FREM3: variants seen among roughly 807,000 people sequenced by gnomAD.
The protein encoded by FREM3 is FRAS1-related extracellular matrix protein 3.
A neutral mutation model predicts 129.1 loss-of-function variants in FREM3; 105 were observed. The observed-to-expected ratio is 0.81, with a 90% CI of 0.69 to 0.96. The LOEUF is 0.96. FREM3 is among the 40% of genes least tolerant of loss of function. The pLI, the probability that FREM3 is intolerant of heterozygous loss-of-function variation, is 0.00. For missense variants in FREM3, 2,593 were observed against 2,666.3 expected, an observed-to-expected ratio of 0.97 and a Z score of 0.61; for synonymous variants, 1,014 against 1,044.9, an observed-to-expected ratio of 0.97 and a Z score of 0.57.
Position 143,697,105 on chromosome 4 carries a change from C to G in FREM3, c.3571G>C (p.Asp1191His). 3 of 1,537,834 alleles carry G rather than the reference C, an allele frequency of 2.0e-6. No individual in the cohort carries two copies. Among genetic ancestry groups the G allele is most frequent in the Non-Finnish European group, 2.6e-6 (3 of 1,147,036 alleles). ...TGGGCAAAAAGTTTAGGCTGCTCAT[C>G]ATTGGTGGGTAGGATGATTATAGGG... is the stretch of plus-strand genomic sequence containing the variant. The part of the protein sequence containing the change: ...FFPIIILPTN[D>H]EQPKLFAHEF... Residue 1191 changes from aspartate (D) to histidine (H), a missense_variant, in exon 1 of 8, where the codon GAT (aspartate) becomes CAT (histidine). Asp to His is a moderately conservative substitution (Grantham distance 81, BLOSUM62 -1). Transcript: ENST00000329798.
At chr4:143,661,420 T>A (rs1286026744) in intron 2 of FREM3, among the ~76,000 whole-genome samples, 2 of 152,046 alleles carry the variant, frequency 1.3e-5, no homozygotes, top group Non-Finnish European at 2.9e-5. Flanking sequence ...GAACCAGCCT[T>A]GCATCCCAGG....
chr4:143,660,879 T>A (rs1276735587), intron 2 of FREM3, among the ~76,000 whole-genome samples: 1 of 152,226 alleles, frequency 6.6e-6, no homozygotes, highest in Non-Finnish European at 1.5e-5. Flanking sequence ...GATTTGGCTC[T>A]CTGTTTGTCT....
intron 2 of FREM3, among the ~76,000 whole-genome samples, chr4:143,636,728 A>G (rs1380800150): frequency 5.9e-5 from 9 of 152,118 alleles, no homozygotes; most frequent in Non-Finnish European, 1.5e-5. Flanking sequence ...TAAAAGTGCA[A>G]TAATTTGAAA....
At chr4:143,625,237 A>G (rs1739020721) in intron 3 of FREM3, among the ~76,000 whole-genome samples, 1 of 152,206 alleles carries the variant, frequency 6.6e-6, no homozygotes, top group Non-Finnish European at 1.5e-5. Flanking sequence ...TAACATACCA[A>G]GAAAACAATA....
In FREM3 at chr4:143,696,758, A is replaced by T; in HGVS notation, c.3918T>A (p.Thr1306=). 1 of 1,537,736 alleles carries T rather than the reference A, an allele frequency of 6.5e-7. No individual in the cohort carries two copies. Among genetic ancestry groups the T allele is most frequent in the Non-Finnish European group, 8.7e-7 (1 of 1,147,022 alleles). ...PIVVTLVDDE[T]PHLTVNNGLK... is the part of the protein sequence containing the mutation. ...GCCCATTGTTGACAGTCAGGTGAGGAGTTTCATCATCCACTAGGGTCACTA... is the reference window on the plus strand; with the variant it reads ...GCCCATTGTTGACAGTCAGGTGAGGTGTTTCATCATCCACTAGGGTCACTA... The change falls in exon 1 of 8, where the codon ACT becomes ACA. Residue 1306 remains threonine (T), a synonymous_variant. Coordinates refer to ENST00000329798, the MANE Select transcript of FREM3 (RefSeq NM_001168235.2).
At chr4:143,682,640 A>G (rs1740277114) in intron 2 of FREM3, among the ~76,000 whole-genome samples, 1 of 152,128 alleles carries the variant, frequency 6.6e-6, no homozygotes, top group Non-Finnish European at 1.5e-5. Flanking sequence ...GTTTTGTCCA[A>G]TTCTTAGTTC....
intron 2 of FREM3, among the ~76,000 whole-genome samples, chr4:143,664,933 C>T (rs1739826936): frequency 6.6e-6 from 1 of 152,110 alleles, no homozygotes; most frequent in East Asian, 1.9e-4. Flanking sequence ...TTTTTTAAGC[C>T]CGTCGGAAAA....
At chr4:143,610,792 A>G (rs1738742067) in intron 6 of FREM3, among the ~76,000 whole-genome samples, 1 of 152,130 alleles carries the variant, frequency 6.6e-6, no homozygotes, top group South Asian at 2.1e-4. Flanking sequence ...GCTAAATTTC[A>G]GCTGGGCTCC....
In FREM3 at chr4:143,669,422, G is replaced by A. The variant is rs142545748; in HGVS notation, c.5275+23691C>T. On this transcript the variant is annotated intron_variant, in intron 2 of 7. Transcript: ENST00000329798. ...CTGAGTAGTAGCTTGGACTACAGGCGTGAACCGCCACGCCTGGCTATTGTT... is the reference window on the plus strand; with the variant it reads ...CTGAGTAGTAGCTTGGACTACAGGCATGAACCGCCACGCCTGGCTATTGTT... Among the ~76,000 whole-genome samples, 930 of 152,208 alleles carry A rather than the reference G, an allele frequency of 6.1e-3. 9 individuals carry two copies. The highest frequency in any genetic ancestry group is 8.6e-3 in the Non-Finnish European group (584 of 68,002).
At position 143,697,516 on chromosome 4, in the gene FREM3, C is replaced by G. The variant is rs1740598186; in HGVS notation, c.3160G>C (p.Glu1054Gln). The change falls in exon 1 of 8, where the codon GAG (glutamate) becomes CAG (glutamine). Residue 1054 changes from glutamate (E) to glutamine (Q), a missense_variant. Transcript: ENST00000329798. ...YQWVVGNSIIEKVQVQVTVLP... is the reference protein window; with the variant it reads ...YQWVVGNSIIQKVQVQVTVLP... ...ACAGTTACTTGTACCTGTACTTTCT[C>G]TATTATGCTATTCCCCACTACCCAT... The G allele has an allele frequency of 2.0e-6, 3 of 1,537,208 alleles. No individual in the cohort carries two copies. The highest frequency in any genetic ancestry group is 1.2e-5 in the South Asian group (1 of 84,066).
chr4:143,646,081 C>A (rs1419297576), intron 2 of FREM3, among the ~76,000 whole-genome samples: 17 of 152,146 alleles, frequency 1.1e-4, no homozygotes, highest in Admixed American at 1.1e-3. Context: ...TTGCCTAAAG[C>A]ACTTTCATGA....
intron 4 of FREM3, among the ~76,000 whole-genome samples, chr4:143,623,503 C>T (rs562227688): frequency 2.2e-5 from 3 of 138,232 alleles, no homozygotes; most frequent in Non-Finnish European, 3.3e-5. Context: ...TCCCCCCCCC[C>T]CCCCACCATT....
chr4:143,674,602 GGATAAAGAGTCAC>G (rs1740070583), intron 2 of FREM3, among the ~76,000 whole-genome samples: 1 of 152,166 alleles, frequency 6.6e-6, no homozygotes, highest in African/African-American at 2.4e-5. Flanking sequence ...CTGGCAGATT[GGATAAAGAGTCAC>G]GACCCATCAG....
rs1037446528 is a variant in FREM3 at position 143,697,770 on chromosome 4, A to T, written c.2906T>A (p.Met969Lys). The T allele has an allele frequency of 2.0e-6, 3 of 1,537,614 alleles. No homozygotes were observed. The highest frequency in any genetic ancestry group is 1.7e-6 in the Non-Finnish European group (2 of 1,146,994). Residue 969 changes from methionine (M) to lysine (K), a missense_variant, in exon 1 of 8, where the codon ATG becomes AAG. By Grantham distance (95) the Met-to-Lys change is moderately conservative (BLOSUM62 -1). This residue lies in a region of FREM3 where 2,276 missense variants were observed against 2,267.2 expected (regional missense o/e 1.00). Coordinates refer to ENST00000329798, the MANE Select transcript of FREM3 (RefSeq NM_001168235.2). The part of the protein sequence containing the change: ...VLENKATEIT[M>K]GVIHGKRKDV... ...CTTCCTTTTGCCATGGATGACACCC[A>T]TGGTAATTTCAGTGGCTTTATTCTC...
At chr4:143,581,424 T>C (rs1441066832) in intron 7 of FREM3, among the ~76,000 whole-genome samples, 1 of 151,552 alleles carries the variant, frequency 6.6e-6, no homozygotes, top group Non-Finnish European at 1.5e-5. Context: ...GGAGCTCAGT[T>C]TCTGTTTCCT....
Position 143,611,408 on chromosome 4 carries a change from G to A in FREM3, c.5899C>T (p.Leu1967=). Reference sequence around the variant, plus strand: ...TCATAAAGGGAGTCATCAATGATCAGGACCTGGCAGGTCTTCTGTGTCTCA... The same window carrying A: ...TCATAAAGGGAGTCATCAATGATCAAGACCTGGCAGGTCTTCTGTGTCTCA... ...KNETQKTCQV[L]IIDDSLYEEE... Residue 1967 remains leucine, a synonymous_variant, in exon 6 of 8, where the codon CTG becomes TTG. Transcript: ENST00000329798. The A allele has an allele frequency of 6.5e-7, 1 of 1,537,222 alleles. No homozygotes were observed. The highest frequency in any genetic ancestry group is 8.7e-7 in the Non-Finnish European group (1 of 1,146,848).
At chr4:143,663,224 G>C (rs1260037527) in intron 2 of FREM3, among the ~76,000 whole-genome samples, 6 of 152,016 alleles carry the variant, frequency 3.9e-5, no homozygotes, top group African/African-American at 7.2e-5. Flanking sequence ...GCTGGTACCG[G>C]TTGTTCCTTT....
chr4:143,637,305 G>C (rs574901960), intron 2 of FREM3, among the ~76,000 whole-genome samples: 73 of 152,216 alleles, frequency 4.8e-4, no homozygotes, highest in Middle Eastern at 6.8e-3. Flanking sequence ...AAGTAACTTG[G>C]AATAGAAGAA....
At chr4:143,666,207 A>G (rs1739856992) in intron 2 of FREM3, among the ~76,000 whole-genome samples, 1 of 152,120 alleles carries the variant, frequency 6.6e-6, no homozygotes, top group African/African-American at 2.4e-5. Flanking sequence ...CCCTTCATAG[A>G]ACAATGTTTC....
Sources: allele counts gnomAD v4.1 joint callset (sites outside exome capture counted in the v4.1 genomes callset), GRCh38; gene constraint gnomAD v4.1.1; regional missense constraint gnomAD v4.1.1; transcripts MANE v1.5; gene names NCBI Gene and HGNC (gene_info 2026-07-23, HGNC 2026-07-21).